APOBEC3B: variants seen among roughly 807,000 people sequenced by gnomAD.
APOBEC3B encodes DNA dC->dU-editing enzyme APOBEC-3B.
Under a neutral mutation model 53.4 loss-of-function variants are expected in APOBEC3B, and 29 were observed. The ratio of observed to expected loss-of-function variants is 0.54; its 90% CI spans 0.40 to 0.74. The LOEUF (loss-of-function observed/expected upper bound fraction) is 0.74, where lower values mean the gene tolerates loss of function less well. Among genes scored for constraint, APOBEC3B ranks in the 30% least tolerant of loss-of-function variants. The pLI is 0.00. For missense variants in APOBEC3B, 347 were observed against 496.2 expected (o/e 0.70, Z 2.86); for synonymous variants, 132 against 184.8 (o/e 0.71, Z 2.32).
intron 4 of APOBEC3B, among the ~76,000 whole-genome samples, chr22:38,987,125 A>C (rs1331319958): frequency 6.7e-6 from 1 of 148,914 alleles, no homozygotes; most frequent in Non-Finnish European, 1.5e-5. Context: ...CAAACCCAGG[A>C]CTAACATCAG....
intron 4 of APOBEC3B, 121 bp from the exon 5 acceptor site, chr22:38,989,336 T>A: frequency 5.3e-6 from 5 of 938,216 alleles, no homozygotes; most frequent in Non-Finnish European, 7.6e-6. Flanking sequence ...TGGAAGCGCC[T>A]CCTCTGACAG....
rs1555894372 is a variant in APOBEC3B at position 38,988,683 on chromosome 22, C to CTCTCTTTCTCTCTTTCTCTCTT, written c.570-771_570-770insCTTTCTCTCTTTCTCTCTTTCT. Among the ~76,000 whole-genome samples, 41 of 47,500 alleles carry CTCTCTTTCTCTCTTTCTCTCTT rather than the reference C, an allele frequency of 8.6e-4. 1 individual carries two copies. The highest frequency in any genetic ancestry group is 0.011 in the Middle Eastern group (1 of 92). The allele number at this position is 47,500 out of a possible 152,430, so 31.2% of individuals were successfully genotyped here. A position where few individuals can be genotyped will look rare whatever the true frequency, so the allele number is the denominator to read the frequency against. ...TTGCTTCCTCTCTCTTTCTCTCTTT[C>CTCTCTTTCTCTCTTTCTCTCTT]TCTTTCTTTCTTTCTTTCTTTCTTT... On this transcript the variant is annotated intron_variant, in intron 4 of 7. Transcript: ENST00000333467.
chr22:38,992,066 C>T lies in APOBEC3B; in HGVS notation c.1051C>T (p.Arg351Cys), dbSNP rs147545511. The change falls in exon 7 of 8, where the codon CGC becomes TGC. Residue 351 changes from arginine (R) to cysteine (C), a missense_variant. This residue lies in a region of APOBEC3B where 78 missense variants were observed against 103.9 expected (regional missense o/e 0.75). Transcript: ENST00000333467. ...FEYCWDTFVY[R>C]QGCPFQPWDG... Reference sequence around the variant, plus strand: ...GTACTGCTGGGACACCTTTGTGTACCGCCAGGGATGTCCCTTCCAGCCCTG... The same window carrying T: ...GTACTGCTGGGACACCTTTGTGTACTGCCAGGGATGTCCCTTCCAGCCCTG... 344 of 1,590,332 alleles carry T rather than the reference C, an allele frequency of 2.2e-4. 32 individuals are homozygous for T. The highest frequency in any genetic ancestry group is 1.3e-4 in the Admixed American group (7 of 55,970).
At chr22:38,984,040 C>A (rs1374014675) in intron 1 of APOBEC3B, 35 bp from the exon 2 acceptor site, 2 of 1,567,464 alleles carry the variant, frequency 1.3e-6, no homozygotes, top group African/African-American at 2.7e-5. Context: ...CGGGAGGGCT[C>A]CCTGCATGGG....
At chr22:38,986,123 C>T (rs368467381) in intron 3 of APOBEC3B, 32 bp downstream of exon 3, 17 of 1,583,918 alleles carry the variant, frequency 1.1e-5, no homozygotes, top group Non-Finnish European at 1.2e-5. Context: ...GGAGCGTGAG[C>T]GGGAGGAACA....
At chr22:38,983,082 G>T (rs1228076687) in intron 1 of APOBEC3B, among the ~76,000 whole-genome samples, 2 of 148,096 alleles carry the variant, frequency 1.4e-5, no homozygotes, top group East Asian at 2.3e-4. Context: ...ACTTTGGGAG[G>T]CCAAGGCGGG....
intron 4 of APOBEC3B, among the ~76,000 whole-genome samples, chr22:38,989,251 C>T (rs1401500686): frequency 1.4e-5 from 2 of 148,126 alleles, no homozygotes; most frequent in Non-Finnish European, 3.0e-5. Flanking sequence ...AAACAGGCCC[C>T]GGGGCTGTGT....
Position 38,986,225 on chromosome 22 carries a change from C to T in APOBEC3B, c.455-73C>T, listed in dbSNP as rs1201348568. On this transcript the variant is annotated intron_variant, in intron 3 of 7. Coordinates refer to ENST00000333467, the MANE Select transcript of APOBEC3B (RefSeq NM_004900.5). ...GACTGGCACTGACTGCAACTGACAG[C>T]CAGGAGACCAGGCCTGGGAGGACAG... 3.2e-6 allele frequency: 5 copies of T among 1,586,248 alleles called. 1 individual carries two copies. In the Admixed American group the frequency reaches 9.0e-5, roughly 28 times the overall value.
chr22:38,991,340 T>A lies in APOBEC3B; in HGVS notation c.732T>A (p.Asn244Lys), dbSNP rs768678900. 7.3e-6 allele frequency: 11 copies of A among 1,514,576 alleles called. No homozygotes were observed. Among genetic ancestry groups the A allele is most frequent in the South Asian group, 1.2e-5 (1 of 86,782 alleles). The allele number at this position is 1,514,576 out of a possible 1,614,324, so 93.8% of individuals were successfully genotyped here. A position where few individuals can be genotyped will look rare whatever the true frequency, so the allele number is the denominator to read the frequency against. The change falls in exon 6 of 8, where the codon AAT becomes AAA. Residue 244 changes from asparagine to lysine, a missense_variant. Physicochemically the swap from Asn to Lys is moderately conservative, Grantham distance 94. Around this residue, in one of 5 missense-constraint regions of APOBEC3B, gnomAD observed 20 missense variants for 83.9 expected, o/e 0.24. Coordinates refer to ENST00000333467, the MANE Select transcript of APOBEC3B (RefSeq NM_004900.5). ...TCTGTTTCCTTTTCTAGGCTAAGAA[T>A]CTTCTCTGTGGCTTTTACGGCCGCC... ...HMGFLCNEAK[N>K]LLCGFYGRHA...
chr22:38,982,729 A>G (rs1233830326), intron 1 of APOBEC3B, among the ~76,000 whole-genome samples: 1 of 147,814 alleles, frequency 6.8e-6, no homozygotes, highest in Non-Finnish European at 1.5e-5. Context: ...TCATGCCCGG[A>G]CTGGTGCTCC....
At chr22:38,990,212 C>G (rs1475809156) in intron 5 of APOBEC3B, among the ~76,000 whole-genome samples, 2 of 148,076 alleles carry the variant, frequency 1.4e-5, no homozygotes, top group African/African-American at 4.9e-5. Flanking sequence ...CTGCTTGGCT[C>G]TGTTGCTGGA....
rs563848168 is a variant in APOBEC3B, at chr22:38,992,574, A to G, written c.*129A>G. On this transcript the variant is annotated 3_prime_UTR_variant, in exon 8 of 8. Coordinates refer to ENST00000333467, the MANE Select transcript of APOBEC3B (RefSeq NM_004900.5). ...GCTGCTCACAGACACCAGCAAAGCAATGTGCTCCTGATCAAGTAGATTTTT... is the reference window on the plus strand; with the variant it reads ...GCTGCTCACAGACACCAGCAAAGCAGTGTGCTCCTGATCAAGTAGATTTTT... 46 of 1,601,800 alleles carry G rather than the reference A, an allele frequency of 2.9e-5. 1 individual carries two copies. Among genetic ancestry groups the G allele is most frequent in the South Asian group, 2.0e-4 (18 of 90,242 alleles).
rs373544665 is a variant in APOBEC3B at position 38,992,083 on chromosome 22, C to T, written c.1068C>T (p.Phe356=). The T allele has an allele frequency of 7.5e-6, 12 of 1,592,054 alleles. 1 individual carries two copies. The African/African-American group carries it at 1.3e-4, about 18-fold the overall frequency. ...TTGTGTACCGCCAGGGATGTCCCTT[C>T]CAGCCCTGGGATGGACTAGAGGAGC... ...DTFVYRQGCP[F]QPWDGLEEHS... is the part of the protein sequence containing the mutation. The change falls in exon 7 of 8, where the codon TTC becomes TTT. Residue 356 remains phenylalanine, a synonymous_variant. Coordinates refer to ENST00000333467, the MANE Select transcript of APOBEC3B (RefSeq NM_004900.5).
intron 3 of APOBEC3B, 82 bp from the exon 4 acceptor site, chr22:38,986,216 A>C: frequency 1.3e-6 from 2 of 1,585,662 alleles, no homozygotes; most frequent in Non-Finnish European, 1.7e-6. Context: ...CACTGACTGC[A>C]ACTGACAGCC....
intron 4 of APOBEC3B, 34 bp from the exon 5 acceptor site, chr22:38,989,423 T>C: frequency 6.5e-7 from 1 of 1,537,616 alleles, no homozygotes; most frequent in East Asian, 2.6e-5. Flanking sequence ...GGAGGAGTCT[T>C]AGGGCTTTTG....
rs745521139 is a variant in APOBEC3B, at chr22:38,991,985, C to T, written c.1019-49C>T. 26 of 1,513,310 alleles carry T rather than the reference C, an allele frequency of 1.7e-5. 3 individuals are homozygous for T. The highest frequency in any genetic ancestry group is 1.4e-5 in the African/African-American group (1 of 72,932). The allele number at this position is 1,513,310 out of a possible 1,614,324, so 93.7% of individuals were successfully genotyped here. ...TGAGAGTCATGGGCCCTTGGTGCTG[C>T]CCCCTCCCCACAACAGGAGCGTGAC... On this transcript the variant is annotated intron_variant, in intron 6 of 7. Coordinates refer to ENST00000333467, the MANE Select transcript of APOBEC3B (RefSeq NM_004900.5).
At chr22:38,988,945 C>T (rs937297799) in intron 4 of APOBEC3B, among the ~76,000 whole-genome samples, 4 of 146,230 alleles carry the variant, frequency 2.7e-5, no homozygotes, top group African/African-American at 5.0e-5. Flanking sequence ...TCCAAAGGGA[C>T]GTGGAAAATG....
At chr22:38,989,436 T>G in intron 4 of APOBEC3B, 21 bp from the exon 5 acceptor site, 1 of 1,545,906 alleles carries the variant, frequency 6.5e-7, no homozygotes, top group East Asian at 2.6e-5. Context: ...GGCTTTTGGT[T>G]TCCCCTGTCT....
intron 7 of APOBEC3B, 128 bp from the exon 8 acceptor site, chr22:38,992,303 T>G: frequency 6.5e-7 from 1 of 1,533,292 alleles, no homozygotes; most frequent in Non-Finnish European, 8.8e-7. Context: ...TCTCACAGCC[T>G]CCTTCTCTTT....
Sources: gnomAD v4.1 joint callset for allele counts (sites outside exome capture counted in the v4.1 genomes callset) on GRCh38, gnomAD v4.1.1 for gene constraint, gnomAD v4.1.1 regional missense constraint, MANE v1.5 for transcripts, NCBI Gene and HGNC (gene_info 2026-07-23, HGNC 2026-07-21) for gene names.